Variants in TDRD12 observed in about 807,000 individuals in gnomAD.
The protein encoded by TDRD12 is putative ATP-dependent RNA helicase TDRD12.
In TDRD12, 158 loss-of-function variants were observed where a neutral mutation model predicts 133.5. That is an observed-to-expected ratio of 1.18 (90% confidence interval 1.04 to 1.35). TDRD12 has a LOEUF of 1.35. Ranked by LOEUF, TDRD12 falls within the 40% of genes most tolerant of loss-of-function variation. The probability of loss-of-function intolerance (pLI) is 0.00; values close to 1 mark genes in which losing one functional copy is unlikely to be tolerated. For missense variants in TDRD12, 1,443 were observed against 1,321.3 expected (o/e 1.09, Z -1.43); for synonymous variants, 460 against 477.9 (o/e 0.96, Z 0.49).
chr19:32,749,109 G>T (rs1969744631), intron 5 of TDRD12, among the ~76,000 whole-genome samples: 1 of 152,126 alleles, frequency 6.6e-6, no homozygotes, highest in Non-Finnish European at 1.5e-5. Context: ...GTTGGGTCCT[G>T]GCCCCACTCC....
downstream of TDRD12, among the ~76,000 whole-genome samples, chr19:32,825,648 G>A (rs113541756): frequency 4.5e-3 from 679 of 152,328 alleles, 5 homozygotes; most frequent in African/African-American, 0.015. The surrounding 1 kb of genome is among the most constrained non-coding windows in gnomAD (Gnocchi z 4.1). Context: ...TTGGGAGGCC[G>A]AGGCAGGTAG....
At chr19:32,776,733 CCAGAAGTGT>C (rs1233216000) in intron 10 of TDRD12, among the ~76,000 whole-genome samples, 1 of 152,202 alleles carries the variant, frequency 6.6e-6, no homozygotes, top group Non-Finnish European at 1.5e-5. Context: ...AGCACCACCA[CCAGAAGTGT>C]CAGAAATGAC....
chr19:32,731,069 AT>A (rs995651385), intron 1 of TDRD12, among the ~76,000 whole-genome samples: 1 of 152,202 alleles, frequency 6.6e-6, no homozygotes, highest in Non-Finnish European at 1.5e-5. Flanking sequence ...AACAATGAAA[AT>A]CTTGGCTTCT....
intron 21 of TDRD12, among the ~76,000 whole-genome samples, chr19:32,806,485 G>A (rs556318600): frequency 6.6e-6 from 1 of 150,916 alleles, no homozygotes; most frequent in South Asian, 2.1e-4. Flanking sequence ...TGGGATCACA[G>A]GCGTGAACCA....
intron 5 of TDRD12, among the ~76,000 whole-genome samples, chr19:32,749,076 C>T (rs1282132384): frequency 6.6e-6 from 1 of 152,128 alleles, no homozygotes; most frequent in African/African-American, 2.4e-5. Context: ...ATGGGAAACA[C>T]CTGGGGTGCT....
intron 11 of TDRD12, among the ~76,000 whole-genome samples, chr19:32,785,163 T>C (rs1171386167): frequency 6.6e-6 from 1 of 152,228 alleles, no homozygotes; most frequent in Non-Finnish European, 1.5e-5. Flanking sequence ...CTTTGTGTCT[T>C]TGTTCTCATT....
Position 32,795,533 on chromosome 19 carries a change from G to A in TDRD12, c.1473+720G>A, listed in dbSNP as rs117538360. On this transcript the variant is annotated intron_variant, in intron 14 of 27. Transcript: ENST00000444215. Reference sequence around the variant, plus strand: ...CACTGACAGGGCTAGGAGTGGGGTTGAAGTCTGAGCTTCTGCTGCCTTGTC... The same window carrying A: ...CACTGACAGGGCTAGGAGTGGGGTTAAAGTCTGAGCTTCTGCTGCCTTGTC... Among the ~76,000 whole-genome samples the A allele has an allele frequency of 8.7e-3, 1,322 of 152,204 alleles. 10 individuals are homozygous for A. The highest frequency in any genetic ancestry group is 0.017 in the Middle Eastern group (5 of 294).
intron 7 of TDRD12, 52 bp downstream of exon 7, chr19:32,756,233 C>G: frequency 7.4e-7 from 1 of 1,350,596 alleles, no homozygotes; most frequent in Non-Finnish European, 9.6e-7. Flanking sequence ...TATTAATAAT[C>G]TTAGTGTATA....
chr19:32,822,544 G>A (rs1014483268), downstream of TDRD12, among the ~76,000 whole-genome samples: 14 of 152,270 alleles, frequency 9.2e-5, 1 homozygote, highest in African/African-American at 1.4e-4. Context: ...TCAGGAGATC[G>A]AGACCATCGT....
At chr19:32,781,656 T>G (rs1970769237) in intron 11 of TDRD12, among the ~76,000 whole-genome samples, 1 of 152,098 alleles carries the variant, frequency 6.6e-6, no homozygotes, top group Non-Finnish European at 1.5e-5. Flanking sequence ...CTATTCTGAT[T>G]TCTTATTCTT....
intron 6 of TDRD12, among the ~76,000 whole-genome samples, chr19:32,754,669 C>CTTTTTTTT (rs35714049): frequency 2.1e-4 from 15 of 70,070 alleles, no homozygotes; most frequent in South Asian, 6.1e-4. Flanking sequence ...ATGACTCTAT[C>CTTTTTTTT]TTTTTTTTTT....
chr19:32,823,028 C>T (rs1483099726), downstream of TDRD12, among the ~76,000 whole-genome samples: 1 of 152,232 alleles, frequency 6.6e-6, no homozygotes, highest in Admixed American at 6.5e-5. Flanking sequence ...CAGCTTTCCA[C>T]ACTGCAGATG....
At chr19:32,800,002 G>A (rs1263005168) in intron 16 of TDRD12, among the ~76,000 whole-genome samples, 165 bp from the exon 17 acceptor site, 3 of 151,868 alleles carry the variant, frequency 2.0e-5, no homozygotes, top group African/African-American at 7.3e-5. Flanking sequence ...CCAAAGTGCT[G>A]GGATTACAGA....
chr19:32,812,402 A>G (rs1227516008), intron 24 of TDRD12, among the ~76,000 whole-genome samples: 2 of 152,276 alleles, frequency 1.3e-5, no homozygotes, highest in African/African-American at 2.4e-5. Context: ...ACATGAAATA[A>G]GTTAATTGCA....
intron 2 of TDRD12, 104 bp from the exon 3 acceptor site, chr19:32,738,752 G>A: frequency 8.2e-7 from 1 of 1,222,392 alleles, no homozygotes; most frequent in Non-Finnish European, 1.1e-6. Flanking sequence ...GGTGGAGATT[G>A]CAGTGAGCTG....
At chr19:32,800,218 G>C in exon 17 of TDRD12, 2 of 1,527,940 alleles carry the variant, frequency 1.3e-6, no homozygotes, top group South Asian at 2.4e-5. Flanking sequence ...TGAAGAAAGG[G>C]AATCTGCACC....
intron 25 of TDRD12, 94 bp downstream of exon 25, chr19:32,813,870 A>T: frequency 1.4e-6 from 1 of 720,144 alleles, no homozygotes; most frequent in East Asian, 2.7e-5. Context: ...TAACTGCTGC[A>T]TAGAAACGGT....
intron 3 of TDRD12, among the ~76,000 whole-genome samples, chr19:32,740,099 A>G (rs1252800386): frequency 5.1e-4 from 29 of 56,424 alleles, no homozygotes; most frequent in African/African-American, 1.4e-3. Context: ...TCTCCTGGGC[A>G]CTCTCTGCAT....
At chr19:32,778,784 G>A (rs1970680906) in intron 11 of TDRD12, among the ~76,000 whole-genome samples, 1 of 152,188 alleles carries the variant, frequency 6.6e-6, no homozygotes, top group Non-Finnish European at 1.5e-5. Context: ...ACAGGAGTGA[G>A]CCACTGTGCC....
Sources: allele counts gnomAD v4.1 joint callset (sites outside exome capture counted in the v4.1 genomes callset), GRCh38; gene constraint gnomAD v4.1.1; non-coding constraint Gnocchi (gnomAD v3.1); transcripts MANE v1.5; gene names NCBI Gene and HGNC (gene_info 2026-07-23, HGNC 2026-07-21).